PZP: variants seen among roughly 807,000 people sequenced by gnomAD.
PZP encodes pregnancy zone protein.
A neutral mutation model predicts 179.8 loss-of-function variants in PZP; 150 were observed. The ratio of observed to expected loss-of-function variants is 0.83; its 90% CI spans 0.73 to 0.96. The LOEUF (loss-of-function observed/expected upper bound fraction) is 0.96, where lower values mean the gene tolerates loss of function less well. Ranked by LOEUF, PZP falls within the 40% of genes least tolerant of loss-of-function variation. PZP has a pLI of 0.00. For missense variants in PZP, 1,689 were observed against 1,764.0 expected, an observed-to-expected ratio of 0.96 and a Z score of 0.76; for synonymous variants, 624 against 652.3, an observed-to-expected ratio of 0.96 and a Z score of 0.66.
At chr12:9,185,473 A>G (rs1943040598) in intron 13 of PZP, among the ~76,000 whole-genome samples, 1 of 152,232 alleles carries the variant, frequency 6.6e-6, no homozygotes. Context: ...GATATCCTTG[A>G]AAGAGATGAG....
Position 9,181,061 on chromosome 12 carries a change from C to T in PZP, c.1761G>A (p.Pro587=), listed in dbSNP as rs747290746. 93 of 1,614,094 alleles carry T rather than the reference C, an allele frequency of 5.8e-5. 1 individual carries two copies. The South Asian group carries it at 6.4e-4, about 11-fold the overall frequency. The change falls in exon 15 of 36, where the codon CCG becomes CCA. Residue 587 remains proline (P), a synonymous_variant. Transcript: ENST00000261336. ...SHAHLQVAAA[P]QSLCALRAVD... is the part of the protein sequence containing the mutation. ...CAGCACGAAGGGCACAGAGGGACTG[C>T]GGAGCAGCTGCTACTTGCAGGTGGG...
chr12:9,146,093 A>G (rs1163835447), downstream of PZP, among the ~76,000 whole-genome samples: 1 of 152,098 alleles, frequency 6.6e-6, no homozygotes, highest in Non-Finnish European at 1.5e-5. Flanking sequence ...TTTAGTCATT[A>G]TTTCTATGAA....
intron 15 of PZP, among the ~76,000 whole-genome samples, chr12:9,174,865 T>G (rs913333087): frequency 6.6e-6 from 1 of 152,240 alleles, no homozygotes; most frequent in Admixed American, 6.5e-5. Context: ...AGAATCAGTG[T>G]AATGACAATG....
intron 15 of PZP, among the ~76,000 whole-genome samples, chr12:9,179,053 G>A (rs1942583376): frequency 6.6e-6 from 1 of 152,148 alleles, no homozygotes; most frequent in Non-Finnish European, 1.5e-5. Context: ...TGATTCATGA[G>A]GGAGTTAAAG....
Position 9,192,103 on chromosome 12 carries a change from T to C in PZP, c.1546+90A>G, listed in dbSNP as rs1353763356. 2.7e-6 allele frequency: 3 copies of C among 1,125,196 alleles called. No homozygotes were observed. The Admixed American group carries it at 5.3e-5, about 20-fold the overall frequency. 69.7% of individuals were successfully genotyped at this position (1,125,196 alleles called of 1,614,324 possible). A position where few individuals can be genotyped will look rare whatever the true frequency, so the allele number is the denominator to read the frequency against. On this transcript the variant is annotated intron_variant, in intron 13 of 35. Transcript: ENST00000261336. ...TGTCCTCCTTATTGTGAAGGGATGATGGAAACGATTTCCCATTTATGAACT... is the reference window on the plus strand; with the variant it reads ...TGTCCTCCTTATTGTGAAGGGATGACGGAAACGATTTCCCATTTATGAACT...
downstream of PZP, among the ~76,000 whole-genome samples, chr12:9,146,147 C>G (rs1203033383): frequency 6.6e-6 from 1 of 151,968 alleles, no homozygotes; most frequent in Non-Finnish European, 1.5e-5. Context: ...TTTTCTGACT[C>G]TCATAATTTG....
chr12:9,197,059 C>T lies in PZP; in HGVS notation c.820G>A (p.Val274Ile), dbSNP rs1943818494. 1.2e-6 allele frequency: 2 copies of T among 1,613,700 alleles called. No individual in the cohort carries two copies. The highest frequency in any genetic ancestry group is 1.3e-5 in the African/African-American group (1 of 74,984). ...ACCTCCTGCTTGTCACAATTAAGAACACGAGATAATTTTCTACACAGGCTC... is the reference window on the plus strand; with the variant it reads ...ACCTCCTGCTTGTCACAATTAAGAATACGAGATAATTTTCTACACAGGCTC... Reference protein sequence around the residue: ...TVSLCRKLSRVLNCDKQEVCE... With the variant: ...TVSLCRKLSRILNCDKQEVCE... The change falls in exon 8 of 36, where the codon GTT (valine) becomes ATT (isoleucine). Residue 274 changes from valine to isoleucine, a missense_variant. By Grantham distance (29) the Val-to-Ile change is conservative (BLOSUM62 3). Coordinates refer to ENST00000261336, the MANE Select transcript of PZP (RefSeq NM_002864.3).
At position 9,168,984 on chromosome 12, in the gene PZP, A is replaced by C. The variant is rs750266857; in HGVS notation, c.2002-10T>G. ...CCTTCAATCCCATCCCCTGGAAAAA[A>C]ATAATTGTTCAATCTACTTGTAAGC... On this transcript the variant is annotated splice_polypyrimidine_tract_variant and intron_variant, in intron 16 of 35. Coordinates refer to ENST00000261336, the MANE Select transcript of PZP (RefSeq NM_002864.3). The C allele has an allele frequency of 6.9e-6, 11 of 1,591,888 alleles. No homozygotes were observed. In the South Asian group the frequency reaches 1.2e-4, roughly 18 times the overall value.
chr12:9,194,277 A>G, intron 10 of PZP, 39 bp from the exon 11 acceptor site: 1 of 1,597,696 alleles, frequency 6.3e-7, no homozygotes, highest in East Asian at 2.2e-5. Context: ...TGTGAACAAC[A>G]CCCAGAGAGG....
chr12:9,205,978 A>G (rs1944421336), intron 1 of PZP, among the ~76,000 whole-genome samples: 1 of 152,162 alleles, frequency 6.6e-6, no homozygotes, highest in Non-Finnish European at 1.5e-5. Flanking sequence ...ATGAATCTCC[A>G]GGGCCACTCT....
chr12:9,143,140 T>C, the PZP span, among the ~76,000 whole-genome samples: 1 of 152,204 alleles, frequency 6.6e-6, no homozygotes, highest in African/African-American at 2.4e-5. Context: ...GTAAATAATA[T>C]ACCAAGTTAA....
chr12:9,149,014 G>C lies in PZP; in HGVS notation c.4427-20C>G, dbSNP rs371293810. 4.9e-5 allele frequency: 78 copies of C among 1,606,960 alleles called. No individual in the cohort carries two copies. The South Asian group carries it at 7.9e-4, about 16-fold the overall frequency. ...CTGTATCTATGGAGAAAAGAAAAAC[G>C]TAAGGAGGTTGTATCATTTCCTGAG... is the stretch of plus-strand genomic sequence containing the variant. On this transcript the variant is annotated intron_variant, in intron 35 of 35. Coordinates refer to ENST00000261336, the MANE Select transcript of PZP (RefSeq NM_002864.3).
intron 7 of PZP, among the ~76,000 whole-genome samples, chr12:9,199,424 G>A (rs989057841): frequency 6.6e-6 from 1 of 152,114 alleles, no homozygotes; most frequent in South Asian, 2.1e-4. Flanking sequence ...ATTTCTGGGG[G>A]AGAGATTATT....
At chr12:9,144,753 A>G (rs934644478), downstream of PZP, among the ~76,000 whole-genome samples, 4 of 152,116 alleles carry the variant, frequency 2.6e-5, no homozygotes, top group Non-Finnish European at 5.9e-5. Context: ...GGTCAGAGGG[A>G]AAGTTATCTT....
Position 9,157,237 on chromosome 12 carries a change from A to G in PZP, c.3488T>C (p.Leu1163Pro), listed in dbSNP as rs771572255. 6 of 1,613,954 alleles carry G rather than the reference A, an allele frequency of 3.7e-6. No individual in the cohort carries two copies. The highest frequency in any genetic ancestry group is 5.1e-6 in the Non-Finnish European group (6 of 1,179,992). Residue 1163 changes from leucine (L) to proline (P), a missense_variant, in exon 28 of 36, where the codon CTG becomes CCG. Leu to Pro is a moderately conservative substitution (Grantham distance 98). This residue lies in a region of PZP where 746 missense variants were observed against 749.2 expected (regional missense o/e 1.00). Coordinates refer to ENST00000261336, the MANE Select transcript of PZP (RefSeq NM_002864.3). ...KALLAYAFSL[L>P]GKQNQNREIL... ...TTCTCTATTCTGATTTTGCTTTCCC[A>G]GTAGGGAAAAAGCATAGGCCAGCAA... is the stretch of plus-strand genomic sequence containing the variant.
chr12:9,152,973 A>G, intron 30 of PZP, 22 bp from the exon 31 acceptor site: 1 of 1,614,004 alleles, frequency 6.2e-7, no homozygotes, highest in Non-Finnish European at 8.5e-7. Context: ...CAAAGACACT[A>G]TCAGTTTCTC....
chr12:9,198,632 G>A (rs1171742212), intron 7 of PZP, among the ~76,000 whole-genome samples: 2 of 152,156 alleles, frequency 1.3e-5, no homozygotes, highest in Non-Finnish European at 2.9e-5. Context: ...GGTTATGTGT[G>A]TGTGCACATG....
At chr12:9,154,061 A>T (rs918434721) in intron 29 of PZP, among the ~76,000 whole-genome samples, 16 of 152,210 alleles carry the variant, frequency 1.1e-4, no homozygotes, top group Admixed American at 2.0e-4. Flanking sequence ...TCTCATTCCA[A>T]AAAGATCAAA....
intron 25 of PZP, among the ~76,000 whole-genome samples, chr12:9,159,587 T>C (rs891189372): frequency 3.3e-5 from 5 of 151,904 alleles, no homozygotes; most frequent in Non-Finnish European, 5.9e-5. Context: ...GACTGGTGGC[T>C]TCATAAGAAG....
Sources: gnomAD v4.1 joint callset for allele counts (sites outside exome capture counted in the v4.1 genomes callset) on GRCh38, gnomAD v4.1.1 for gene constraint, gnomAD v4.1.1 regional missense constraint, MANE v1.5 for transcripts, NCBI Gene and HGNC (gene_info 2026-07-23, HGNC 2026-07-21) for gene names.